Variants in DNAH5 observed in about 807,000 individuals in gnomAD.
DNAH5 encodes the protein axonemal beta dynein heavy chain 5.
In DNAH5, 372 loss-of-function variants were observed where a neutral mutation model predicts 518.2. The observed-to-expected ratio is 0.72, with a 90% CI of 0.66 to 0.78. DNAH5 has a LOEUF of 0.78. DNAH5 is among the 30% of genes least tolerant of loss of function. The pLI, the probability that DNAH5 is intolerant of heterozygous loss-of-function variation, is 0.00. For missense variants in DNAH5, 5,523 were observed against 5,687.0 expected (o/e 0.97, Z 0.93); for synonymous variants, 2,039 against 2,025.9 (o/e 1.01, Z -0.17).
intron 68 of DNAH5, among the ~76,000 whole-genome samples, chr5:13,731,351 G>C (rs1001458067): frequency 6.6e-6 from 1 of 152,208 alleles, no homozygotes; most frequent in African/African-American, 2.4e-5. Context: ...AAATTGAAAA[G>C]AGTAAGACAT....
Position 13,923,327 on chromosome 5 carries a change from T to C in DNAH5, c.391A>G (p.Ile131Val). 3 of 1,614,140 alleles carry C rather than the reference T, an allele frequency of 1.9e-6. No homozygotes were observed. The highest frequency in any genetic ancestry group is 2.5e-6 in the Non-Finnish European group (3 of 1,180,000). The change falls in exon 4 of 79, where the codon ATC (isoleucine) becomes GTC (valine). Residue 131 changes from isoleucine (I) to valine (V), a missense_variant. By Grantham distance (29) the Ile-to-Val change is conservative. Transcript: ENST00000265104. Reference sequence around the variant, plus strand: ...ATGGCTTTGGAAGGGTCAGTCCTGATGAAGAACACACATACCCCAGTAAGA... The same window carrying C: ...ATGGCTTTGGAAGGGTCAGTCCTGACGAAGAACACACATACCCCAGTAAGA... The part of the protein sequence containing the change: ...VALTGVCVFF[I>V]RTDPSKAITP...
chr5:13,810,285 T>C, intron 44 of DNAH5, 25 bp from the exon 45 acceptor site: 1 of 1,545,600 alleles, frequency 6.5e-7, no homozygotes, highest in South Asian at 1.2e-5. Context: ...CACTTTTTTT[T>C]AATAACTTGA....
At chr5:13,692,419 T>G (rs1226501603) in intron 78 of DNAH5, among the ~76,000 whole-genome samples, 1 of 152,076 alleles carries the variant, frequency 6.6e-6, no homozygotes, top group East Asian at 1.9e-4. Context: ...TTCCTCTCTC[T>G]CCTTTGCACC....
At chr5:13,783,021 G>A (rs1041963221) in intron 52 of DNAH5, among the ~76,000 whole-genome samples, 1 of 152,222 alleles carries the variant, frequency 6.6e-6, no homozygotes, top group Non-Finnish European at 1.5e-5. Flanking sequence ...CACTGGCACA[G>A]AGACAGGAGT....
rs1024441903 is a variant in DNAH5 at position 13,735,859 on chromosome 5, C to A, written c.11529G>T (p.Ser3843=). 5.0e-6 allele frequency: 8 copies of A among 1,613,950 alleles called. No individual in the cohort carries two copies. The African/African-American group carries it at 1.1e-4, about 22-fold the overall frequency. ...CAAATAAGCCCAGAAACTGGCGAAG[C>A]GAAGTCTGATACATCTCATTAACCA... ...MRLVNEMYQT[S]LRQFLGLFDL... is the part of the protein sequence containing the mutation. The change falls in exon 67 of 79, where the codon TCG becomes TCT. Residue 3843 remains serine, a synonymous_variant. Transcript: ENST00000265104.
At chr5:13,700,599 C>A in intron 78 of DNAH5, 41 bp downstream of exon 78, 2 of 1,554,600 alleles carry the variant, frequency 1.3e-6, no homozygotes, top group East Asian at 2.2e-5. Flanking sequence ...GTCATCCAAA[C>A]GAACAATGCG....
intron 59 of DNAH5, among the ~76,000 whole-genome samples, chr5:13,765,601 GCATT>G (rs964533658): frequency 3.3e-5 from 5 of 152,128 alleles, no homozygotes; most frequent in Admixed American, 2.6e-4. Flanking sequence ...TAAAATTTGT[GCATT>G]TATTCATGTT....
intron 53 of DNAH5, among the ~76,000 whole-genome samples, chr5:13,777,965 T>G (rs2126817543): frequency 6.6e-6 from 1 of 152,312 alleles, no homozygotes; most frequent in East Asian, 1.9e-4. Flanking sequence ...TAGGTGGAAG[T>G]GAACCTACAA....
rs10223162 is a variant in DNAH5 at position 13,707,616 on chromosome 5, C to T, written c.13338+507G>A. 9.7e-3 allele frequency among the ~76,000 whole-genome samples: 1,475 copies of T among 152,300 alleles called. 22 individuals carry two copies. Among genetic ancestry groups the T allele is most frequent in the African/African-American group, 0.032 (1,351 of 41,574 alleles). On this transcript the variant is annotated intron_variant, in intron 76 of 78. Coordinates refer to ENST00000265104, the MANE Select transcript of DNAH5 (RefSeq NM_001369.3). The surrounding 1 kb of genome is among the most constrained non-coding windows in gnomAD (Gnocchi z 4.0). ...GCAGGGCACAGAAAACCCAGCCACACCCCTGTCACACGCCCTGTGAGGGGG... is the reference window on the plus strand; with the variant it reads ...GCAGGGCACAGAAAACCCAGCCACATCCCTGTCACACGCCCTGTGAGGGGG...
intron 63 of DNAH5, 35 bp downstream of exon 63, chr5:13,753,198 A>C: frequency 6.6e-7 from 1 of 1,522,614 alleles, no homozygotes; most frequent in Non-Finnish European, 9.1e-7. Flanking sequence ...AATAAAACTT[A>C]ACCGGTAGCA....
chr5:13,912,417 GTATATA>G (rs140882792), intron 11 of DNAH5, among the ~76,000 whole-genome samples: 2 of 150,088 alleles, frequency 1.3e-5, no homozygotes, highest in African/African-American at 4.9e-5. Context: ...GTGTGTGTAT[GTATATA>G]TATATATACT....
At chr5:13,894,600 G>A in intron 16 of DNAH5, 50 bp downstream of exon 16, 1 of 1,575,124 alleles carries the variant, frequency 6.3e-7, no homozygotes, top group Non-Finnish European at 8.7e-7. Context: ...ACAGATGTTA[G>A]GAACTCAGCC....
chr5:13,903,857 G>A (rs975800898), intron 12 of DNAH5, among the ~76,000 whole-genome samples: 8 of 151,938 alleles, frequency 5.3e-5, no homozygotes, highest in Admixed American at 1.3e-4. Context: ...TAAAACTAAA[G>A]GATATACTTC....
Position 13,717,540 on chromosome 5 carries a change from G to A in DNAH5, c.12500-20C>T, listed in dbSNP as rs1317314672. ...TGACACCTGTTGTGGTCAGTTGGGT[G>A]AAAAATGTATCATCTCTCAAATGTC... is the stretch of plus-strand genomic sequence containing the variant. On this transcript the variant is annotated intron_variant, in intron 72 of 78. Transcript: ENST00000265104. 1 of 1,594,742 alleles carries A rather than the reference G, an allele frequency of 6.3e-7. No individual in the cohort carries two copies. Among genetic ancestry groups the A allele is most frequent in the South Asian group, 1.1e-5 (1 of 90,608 alleles).
Position 13,844,880 on chromosome 5 carries a change from A to G in DNAH5, c.5228T>C (p.Leu1743Pro). Reference protein sequence around the residue: ...SDSHTIQAHLLNVFDNIKSVK... With the variant: ...SDSHTIQAHLPNVFDNIKSVK... ...AGATTTAATGTTGTCAAACACATTC[A>G]GCAAATGGGCCTGTATAGTGTGGGA... Residue 1743 changes from leucine to proline, a missense_variant, in exon 32 of 79, where the codon CTG (leucine) becomes CCG (proline). By Grantham distance (98) the Leu-to-Pro change is moderately conservative. Transcript: ENST00000265104. The G allele has an allele frequency of 6.2e-7, 1 of 1,614,244 alleles. No homozygotes were observed. The highest frequency in any genetic ancestry group is 8.5e-7 in the Non-Finnish European group (1 of 1,180,046).
At position 13,735,229 on chromosome 5, in the gene DNAH5, T is replaced by C; in HGVS notation, c.11663A>G (p.Tyr3888Cys). 6.2e-7 allele frequency: 1 copy of C among 1,614,122 alleles called. No individual in the cohort carries two copies. Among genetic ancestry groups the C allele is most frequent in the Non-Finnish European group, 8.5e-7 (1 of 1,179,998 alleles). Residue 3888 changes from tyrosine to cysteine, a missense_variant, in exon 68 of 79, where the codon TAC (tyrosine) becomes TGC (cysteine). This residue lies in a region of DNAH5 where 5,121 missense variants were observed against 5,223.3 expected (regional missense o/e 0.98). Coordinates refer to ENST00000265104, the MANE Select transcript of DNAH5 (RefSeq NM_001369.3). ...GGTGAACAGGAATTTGTGCTCCTCG[T>C]ACAGCCCTCGGGCAGCATACTTATA... ...EVYKYAARGL[Y>C]EEHKFLFTLL...
At chr5:13,745,269 TG>T (rs1749171754) in intron 65 of DNAH5, among the ~76,000 whole-genome samples, 1 of 152,086 alleles carries the variant, frequency 6.6e-6, no homozygotes, top group South Asian at 2.1e-4. Context: ...ATGTTCAAAA[TG>T]GTCTAGATAC....
At chr5:13,831,758 T>C (rs1395991023) in intron 35 of DNAH5, among the ~76,000 whole-genome samples, 1 of 152,176 alleles carries the variant, frequency 6.6e-6, no homozygotes, top group Non-Finnish European at 1.5e-5. Context: ...CCCAAGGTAT[T>C]ATTTCTCCTG....
chr5:14,005,835 A>T (rs1244460079), intron 1 of DNAH5, among the ~76,000 whole-genome samples: 4 of 152,218 alleles, frequency 2.6e-5, no homozygotes, highest in African/African-American at 9.7e-5. Context: ...GGGAAATGGG[A>T]AAACAGACAG....
Sources: allele counts gnomAD v4.1 joint callset (sites outside exome capture counted in the v4.1 genomes callset), GRCh38; gene constraint gnomAD v4.1.1; regional missense constraint gnomAD v4.1.1; non-coding constraint Gnocchi (gnomAD v3.1); transcripts MANE v1.5; gene names NCBI Gene and HGNC (gene_info 2026-07-23, HGNC 2026-07-21).